The following STARD13 variants were observed in gnomAD, a reference collection of about 807,000 sequenced individuals.
STARD13 encodes StAR related lipid transfer domain containing 13.
A neutral mutation model predicts 106.4 loss-of-function variants in STARD13; 62 were observed. That is an observed-to-expected ratio of 0.58 (90% confidence interval 0.48 to 0.72). The LOEUF is 0.72. Among genes scored for constraint, STARD13 ranks in the 30% least tolerant of loss-of-function variants. The pLI, the probability that STARD13 is intolerant of heterozygous loss-of-function variation, is 0.00. For missense variants in STARD13, 1,387 were observed against 1,424.0 expected, an observed-to-expected ratio of 0.97 and a Z score of 0.42; for synonymous variants, 565 against 553.0, an observed-to-expected ratio of 1.02 and a Z score of -0.31.
chr13:33,145,964 C>T (rs933362132), intron 3 of STARD13, among the ~76,000 whole-genome samples: 11 of 152,008 alleles, frequency 7.2e-5, no homozygotes, highest in Non-Finnish European at 1.2e-4. Context: ...GTGGGCAGAT[C>T]GCTTGAGCCC....
chr13:33,325,079 C>T (rs1478117832), intron 1 of STARD13, among the ~76,000 whole-genome samples: 2 of 152,008 alleles, frequency 1.3e-5, no homozygotes, highest in African/African-American at 2.4e-5. Flanking sequence ...CTTTTGAGGA[C>T]GTAAACTGAA....
chr13:33,499,604 T>C, the STARD13 span, among the ~76,000 whole-genome samples: 564 of 39,544 alleles, frequency 0.014, 21 homozygotes, highest in African/African-American at 0.033. Context: ...CTTCTTCTTC[T>C]TTCTTCTTCT....
chr13:33,180,836 T>A (rs2555606), intron 1 of STARD13, among the ~76,000 whole-genome samples: 15,688 of 152,254 alleles, frequency 0.1, 1,006 homozygotes, highest in East Asian at 0.35. Context: ...GCTTGAATTA[T>A]ACCTAGTGCC....
intron 1 of STARD13, among the ~76,000 whole-genome samples, chr13:33,197,597 G>A (rs1343822410): frequency 2.0e-5 from 3 of 152,182 alleles, no homozygotes; most frequent in East Asian, 1.9e-4. Context: ...CTCCGTCAGC[G>A]AGCCAATTCC....
intron 1 of STARD13, among the ~76,000 whole-genome samples, chr13:33,238,754 T>G (rs1176989528): frequency 1.3e-5 from 2 of 152,112 alleles, no homozygotes; most frequent in East Asian, 3.8e-4. Flanking sequence ...TAATAGCTAA[T>G]GTGGAAGTGC....
intron 3 of STARD13, among the ~76,000 whole-genome samples, chr13:33,162,208 C>T (rs1319668852): frequency 1.3e-5 from 2 of 152,232 alleles, no homozygotes; most frequent in African/African-American, 2.4e-5. Context: ...TCATATGAGA[C>T]AAGGCAAGCC....
the STARD13 span, among the ~76,000 whole-genome samples, chr13:33,452,350 G>A: frequency 6.6e-5 from 10 of 152,000 alleles, no homozygotes; most frequent in Admixed American, 6.6e-4. Context: ...TTGTGGGGGT[G>A]GGTGTCAGGG....
the STARD13 span, among the ~76,000 whole-genome samples, chr13:33,415,805 G>T: frequency 6.6e-6 from 1 of 152,236 alleles, no homozygotes; most frequent in African/African-American, 2.4e-5. Context: ...TAAAAACTAA[G>T]CGAGAGATAG....
At chr13:33,662,155 G>A in the STARD13 span, among the ~76,000 whole-genome samples, 199 of 151,764 alleles carry the variant, frequency 1.3e-3, no homozygotes, top group African/African-American at 4.4e-3. Context: ...CCAGCTACTC[G>A]GGAAGCTGAG....
At chr13:33,289,413 G>GT (rs765639142), upstream of STARD13, among the ~76,000 whole-genome samples, 1 of 152,138 alleles carries the variant, frequency 6.6e-6, no homozygotes, top group Non-Finnish European at 1.5e-5. Flanking sequence ...CACATTTTAG[G>GT]TTTTTTAACA....
chr13:33,375,835 A>G, the STARD13 span, among the ~76,000 whole-genome samples: 5 of 152,070 alleles, frequency 3.3e-5, no homozygotes, highest in African/African-American at 9.7e-5. Context: ...ACAGCCAACC[A>G]TATCAGCCCC....
intron 1 of STARD13, among the ~76,000 whole-genome samples, chr13:33,247,502 T>C (rs1002773828): frequency 6.6e-6 from 1 of 152,002 alleles, no homozygotes; most frequent in South Asian, 2.1e-4. Context: ...TTGGAGCTAG[T>C]CTTTTCATAA....
chr13:33,219,828 AAAG>A (rs1358131202), intron 1 of STARD13, among the ~76,000 whole-genome samples: 13 of 103,866 alleles, frequency 1.3e-4, no homozygotes, highest in African/African-American at 2.6e-4. Context: ...AAAAAAAAAG[AAAG>A]AAAGAAAGAA....
chr13:33,628,140 T>C, the STARD13 span, among the ~76,000 whole-genome samples: 1 of 119,142 alleles, frequency 8.4e-6, no homozygotes, highest in Non-Finnish European at 1.7e-5. Flanking sequence ...GGACTCTCTC[T>C]CTTGTAAAAC....
chr13:33,318,500 C>A (rs1396262260), intron 1 of STARD13, among the ~76,000 whole-genome samples: 1 of 152,054 alleles, frequency 6.6e-6, no homozygotes, highest in Non-Finnish European at 1.5e-5. Context: ...ACATTCATGA[C>A]CTTGGATTAG....
intron 9 of STARD13, 150 bp downstream of exon 9, chr13:33,112,571 C>T (rs557335886): frequency 1.0e-4 from 66 of 646,686 alleles, no homozygotes; most frequent in Middle Eastern, 3.4e-4. Flanking sequence ...ATCTACCTAT[C>T]GTTGATCTAT....
the STARD13 span, among the ~76,000 whole-genome samples, chr13:33,467,824 G>T: frequency 6.6e-6 from 1 of 152,082 alleles, no homozygotes; most frequent in Non-Finnish European, 1.5e-5. Context: ...TCATCCCCAG[G>T]TTTGCTTTAA....
chr13:33,417,229 G>T, the STARD13 span, among the ~76,000 whole-genome samples: 2 of 152,184 alleles, frequency 1.3e-5, no homozygotes, highest in African/African-American at 2.4e-5. Flanking sequence ...AATAAAAAGT[G>T]TTGGTGAGGA....
chr13:33,294,975 C>T (rs1004886344), intron 1 of STARD13, among the ~76,000 whole-genome samples: 1 of 152,094 alleles, frequency 6.6e-6, no homozygotes, highest in Non-Finnish European at 1.5e-5. Flanking sequence ...GTCTGCTGAC[C>T]TGTTGCCCTG....
Sources: gnomAD v4.1 joint callset for allele counts (sites outside exome capture counted in the v4.1 genomes callset) on GRCh38, gnomAD v4.1.1 for gene constraint, MANE v1.5 for transcripts, NCBI Gene and HGNC (gene_info 2026-07-23, HGNC 2026-07-21) for gene names.